MDGA2: variants seen among roughly 807,000 people sequenced by gnomAD.
MDGA2 encodes the protein MAM domain containing glycosylphosphatidylinositol anchor 2, also known as MAM domain-containing glycosylphosphatidylinositol anchor protein 2.
In MDGA2, 40 loss-of-function variants were observed where a neutral mutation model predicts 117.8. The observed-to-expected ratio is 0.34, with a 90% CI of 0.26 to 0.44. The LOEUF is 0.44. MDGA2 is among the 20% of genes least tolerant of loss of function. The pLI is 1.00. For missense variants in MDGA2, 1,123 were observed against 1,250.6 expected (o/e 0.90, Z 1.54); for synonymous variants, 452 against 439.0 (o/e 1.03, Z -0.37).
intron 1 of MDGA2, among the ~76,000 whole-genome samples, chr14:47,673,309 G>A (rs1898108854): frequency 6.6e-6 from 1 of 152,196 alleles, no homozygotes; most frequent in Non-Finnish European, 1.5e-5. Flanking sequence ...TCCAGGGTCT[G>A]CAGGGAAAGC....
intron 5 of MDGA2, among the ~76,000 whole-genome samples, chr14:47,108,272 A>G (rs920283048): frequency 2.0e-5 from 3 of 151,966 alleles, no homozygotes; most frequent in African/African-American, 7.3e-5. Context: ...ACACTTCAAC[A>G]CTATTTTGTT....
In MDGA2 at chr14:47,529,148, G is replaced by A. The variant is rs1018240694; in HGVS notation, c.280+145369C>T. On this transcript the variant is annotated intron_variant, in intron 1 of 16. Coordinates refer to ENST00000399232, the MANE Select transcript of MDGA2 (RefSeq NM_001113498.3). ...TGAGTAGCTGGGACTACAGATGCCC[G>A]CCACCACACCTGGCTAATTTTTTTT... 1.6e-4 allele frequency among the ~76,000 whole-genome samples: 24 copies of A among 151,808 alleles called. No homozygotes were observed. The East Asian group carries it at 2.3e-3, about 15-fold the overall frequency.
intron 1 of MDGA2, among the ~76,000 whole-genome samples, chr14:47,313,211 A>C (rs1175127060): frequency 1.3e-5 from 2 of 152,086 alleles, no homozygotes; most frequent in African/African-American, 2.4e-5. Flanking sequence ...AGCTATTTAG[A>C]CTTTAACTAA....
intron 3 of MDGA2, among the ~76,000 whole-genome samples, chr14:47,168,975 T>C (rs1010687212): frequency 6.6e-6 from 1 of 152,106 alleles, no homozygotes; most frequent in African/African-American, 2.4e-5. Flanking sequence ...TACTCTTTTA[T>C]TGTCTCATTA....
rs147765312 is a variant in MDGA2, at chr14:47,003,182, G to T, written c.1819+31829C>A. On this transcript the variant is annotated intron_variant, in intron 8 of 16. Coordinates refer to ENST00000399232, the MANE Select transcript of MDGA2 (RefSeq NM_001113498.3). ...CATATGTGTTGTTGCGTGTGTCCAT[G>T]ATTGAAGTTTGTTTCCTTCATCTAT... Among the ~76,000 whole-genome samples the T allele has an allele frequency of 1.9e-3, 290 of 152,212 alleles. 1 individual carries two copies. Among genetic ancestry groups the T allele is most frequent in the African/African-American group, 6.7e-3 (280 of 41,568 alleles).
In MDGA2 at chr14:46,884,475, A is replaced by G. The variant is rs1182949154; in HGVS notation, c.2239-2254T>C. ...ATATGTTCACATATATGCACATACT[A>G]TATGTTCATAAGTATTTGTTTTCTG... On this transcript the variant is annotated intron_variant, in intron 10 of 16. Transcript: ENST00000399232. The surrounding 1 kb of genome is among the most constrained non-coding windows in gnomAD (Gnocchi z 4.1). Among the ~76,000 whole-genome samples the G allele has an allele frequency of 6.6e-6, 1 of 152,110 alleles. No homozygotes were observed. Among genetic ancestry groups the G allele is most frequent in the African/African-American group, 2.4e-5 (1 of 41,430 alleles).
At chr14:46,983,297 A>C (rs1886752326) in intron 8 of MDGA2, among the ~76,000 whole-genome samples, 1 of 152,068 alleles carries the variant, frequency 6.6e-6, no homozygotes, top group African/African-American at 2.4e-5. Context: ...AATCTCTCTA[A>C]TATTCTCATT....
intron 2 of MDGA2, among the ~76,000 whole-genome samples, chr14:47,236,301 A>AAC (rs1555365555): frequency 4.0e-5 from 6 of 150,956 alleles, no homozygotes; most frequent in Non-Finnish European, 3.0e-5. Flanking sequence ...AAAAAAAAAA[A>AAC]AAAAAAAAAA....
At chr14:47,583,632 T>A (rs549678298) in intron 1 of MDGA2, among the ~76,000 whole-genome samples, 117 of 151,982 alleles carry the variant, frequency 7.7e-4, no homozygotes, top group African/African-American at 2.4e-3. Context: ...ACATTATGTC[T>A]GTTTATTAAT....
chr14:47,240,329 C>A (rs1358744291), intron 2 of MDGA2, among the ~76,000 whole-genome samples: 1 of 151,794 alleles, frequency 6.6e-6, no homozygotes. Context: ...CAGGTGTGAG[C>A]CACCACGCCC....
intron 8 of MDGA2, among the ~76,000 whole-genome samples, chr14:46,995,102 G>A (rs1887239036): frequency 6.6e-6 from 1 of 152,098 alleles, no homozygotes; most frequent in Non-Finnish European, 1.5e-5. Context: ...TCTGATCAGA[G>A]ATGGCGATAA....
In MDGA2 at chr14:47,611,562, T is replaced by C. The variant is rs546615338; in HGVS notation, c.280+62955A>G. 2.2e-4 allele frequency among the ~76,000 whole-genome samples: 34 copies of C among 152,002 alleles called. No homozygotes were observed. In the South Asian group the frequency reaches 3.5e-3, roughly 16 times the overall value. On this transcript the variant is annotated intron_variant, in intron 1 of 16. Coordinates refer to ENST00000399232, the MANE Select transcript of MDGA2 (RefSeq NM_001113498.3). ...GTTGGCTAAGGACAAGAAGAGACAA[T>C]TCTCAAAAGAAGATATACAAATGGC...
chr14:47,048,334 T>C (rs999767763), intron 7 of MDGA2, among the ~76,000 whole-genome samples: 12 of 152,230 alleles, frequency 7.9e-5, no homozygotes, highest in African/African-American at 2.9e-4. Flanking sequence ...AGGCATTTTA[T>C]AAAAGCATTG....
intron 14 of MDGA2, chr14:46,870,968 C>T (rs1430697936): frequency 2.0e-5 from 3 of 151,610 alleles, no homozygotes; most frequent in African/African-American, 7.3e-5. Flanking sequence ...ATTTAAAAAT[C>T]AATTAAAATA....
intron 1 of MDGA2, among the ~76,000 whole-genome samples, chr14:47,590,574 G>T (rs1028560306): frequency 6.7e-5 from 10 of 150,076 alleles, no homozygotes; most frequent in Admixed American, 4.6e-4. Context: ...AATATAGATT[G>T]TTTAAGTCAA....
chr14:47,066,594 C>T (rs1890090055), intron 6 of MDGA2, among the ~76,000 whole-genome samples: 1 of 152,192 alleles, frequency 6.6e-6, no homozygotes, highest in Admixed American at 6.5e-5. Context: ...GTGTATGGGA[C>T]ATCGGCTATC....
intron 1 of MDGA2, among the ~76,000 whole-genome samples, chr14:47,313,675 T>A (rs936627585): frequency 1.3e-5 from 2 of 152,206 alleles, no homozygotes; most frequent in Admixed American, 1.3e-4. Context: ...GAAATTTACA[T>A]AATTCAATAA....
intron 10 of MDGA2, among the ~76,000 whole-genome samples, chr14:46,917,758 T>C (rs1410237570): frequency 2.0e-5 from 3 of 152,074 alleles, no homozygotes; most frequent in Non-Finnish European, 4.4e-5. Flanking sequence ...ATATAAAAAA[T>C]TGAATTTGGA....
chr14:47,445,365 C>T (rs1215763503), intron 1 of MDGA2, among the ~76,000 whole-genome samples: 1 of 152,092 alleles, frequency 6.6e-6, no homozygotes, highest in Admixed American at 6.6e-5. Flanking sequence ...GCTGTAGCGA[C>T]CTTTTCTGTT....
Sources: allele counts gnomAD v4.1 joint callset (sites outside exome capture counted in the v4.1 genomes callset), GRCh38; gene constraint gnomAD v4.1.1; non-coding constraint Gnocchi (gnomAD v3.1); transcripts MANE v1.5; gene names NCBI Gene and HGNC (gene_info 2026-07-23, HGNC 2026-07-21).